Variants in TNS1 observed in about 807,000 individuals in gnomAD.
TNS1 encodes tensin-1.
Under a neutral mutation model 168.6 loss-of-function variants are expected in TNS1, and 62 were observed. The ratio of observed to expected loss-of-function variants is 0.37; its 90% CI spans 0.30 to 0.45. The LOEUF (loss-of-function observed/expected upper bound fraction) is 0.45, where lower values mean the gene tolerates loss of function less well. TNS1 is among the 20% of genes least tolerant of loss of function. The pLI is 1.00. For synonymous variants in TNS1, 934 were observed against 933.2 expected, an observed-to-expected ratio of 1.00 and a Z score of -0.02; for missense variants, 2,240 against 2,339.4, an observed-to-expected ratio of 0.96 and a Z score of 0.88.
chr2:217,988,466 A>C (rs988889606), intron 2 of TNS1, among the ~76,000 whole-genome samples: 10 of 152,138 alleles, frequency 6.6e-5, no homozygotes, highest in Non-Finnish European at 1.0e-4. Flanking sequence ...CCCCACCCCC[A>C]GACTGCCTCG....
At chr2:218,031,447 A>G (rs181660736) in intron 1 of TNS1, among the ~76,000 whole-genome samples, 8 of 99,400 alleles carry the variant, frequency 8.0e-5, no homozygotes, top group East Asian at 6.6e-4. Flanking sequence ...GCATGTGTGT[A>G]TGAGCATGTC....
chr2:217,831,228 C>G (rs1944378335), intron 22 of TNS1, among the ~76,000 whole-genome samples: 1 of 152,194 alleles, frequency 6.6e-6, no homozygotes, highest in Admixed American at 6.5e-5. Flanking sequence ...AAGCCTCAAG[C>G]TAGAGGAGGC....
At position 217,978,745 on chromosome 2, in the gene TNS1, G is replaced by C. The variant is rs941275950; in HGVS notation, c.186+20C>G. On this transcript the variant is annotated intron_variant, in intron 3 of 32. Transcript: ENST00000682258. ...GCCTGTCCCAAGTCCTCCCGGGCCC[G>C]CCAGCCCGCGGCCCCTTACCTTGGC... is the stretch of plus-strand genomic sequence containing the variant. The C allele has an allele frequency of 1.3e-5, 9 of 701,048 alleles. No homozygotes were observed. The highest frequency in any genetic ancestry group is 2.3e-5 in the Non-Finnish European group (9 of 384,010). 43.4% of individuals were successfully genotyped at this position (701,048 alleles called of 1,614,324 possible).
At position 217,804,543 on chromosome 2, in the gene TNS1, A is replaced by C. The variant is rs566491497; in HGVS notation, c.5436T>G (p.Phe1812Leu). The change falls in exon 33 of 33, where the codon TTT becomes TTG. Residue 1812 changes from phenylalanine to leucine, a missense_variant. Around this residue, in one of 2 missense-constraint regions of TNS1, gnomAD observed 109 missense variants for 168.1 expected, o/e 0.65. Coordinates refer to ENST00000682258, the MANE Select transcript of TNS1 (RefSeq NM_001387777.1). ...CCGGCTGGTTGGGGTCAAGCTCAGC[A>C]AAGAGGTGGCAGGCGTTGTCCGTGG... ...GSTTDNACHL[F>L]AELDPNQPAS... is the part of the protein sequence containing the mutation. The C allele has an allele frequency of 2.4e-5, 39 of 1,614,164 alleles. No homozygotes were observed. The highest frequency in any genetic ancestry group is 3.3e-5 in the Non-Finnish European group (39 of 1,180,010).
intron 7 of TNS1, 66 bp from the exon 8 acceptor site, chr2:217,898,035 G>A (rs779570919): frequency 9.1e-5 from 138 of 1,508,228 alleles, no homozygotes; most frequent in Non-Finnish European, 1.1e-4. Flanking sequence ...GCCCCAGATA[G>A]CTGCACCCCA....
rs1453879871 is a variant in TNS1 at position 217,814,991 on chromosome 2, G to C, written c.4650C>G (p.Ser1550Arg). Reference sequence around the variant, plus strand: ...ACTTCACTTTAGCCCGCGTCTCCGGGCTGTTGTCTAAAGCAGGAGAAGGGA... The same window carrying C: ...ACTTCACTTTAGCCCGCGTCTCCGGCCTGTTGTCTAAAGCAGGAGAAGGGA... ...DFSKYSMPDN[S>R]PETRAKVKFV... The change falls in exon 25 of 33, where the codon AGC (serine) becomes AGG (arginine). Residue 1550 changes from serine to arginine, a missense_variant. Coordinates refer to ENST00000682258, the MANE Select transcript of TNS1 (RefSeq NM_001387777.1). 6.2e-7 allele frequency: 1 copy of C among 1,612,060 alleles called. No individual in the cohort carries two copies. The highest frequency in any genetic ancestry group is 8.5e-7 in the Non-Finnish European group (1 of 1,179,046).
chr2:218,023,728 G>A (rs2106011363), intron 1 of TNS1, among the ~76,000 whole-genome samples: 1 of 152,314 alleles, frequency 6.6e-6, no homozygotes, highest in East Asian at 1.9e-4. Flanking sequence ...ATCAGTCGGT[G>A]GCAGAGCCCA....
intron 1 of TNS1, among the ~76,000 whole-genome samples, chr2:218,020,494 G>A (rs551365879): frequency 6.9e-6 from 1 of 145,776 alleles, no homozygotes; most frequent in East Asian, 2.0e-4. Flanking sequence ...GCTGACCCCT[G>A]AGCTGCCTGG....
upstream of TNS1, among the ~76,000 whole-genome samples, chr2:218,012,034 A>G (rs1574480789): frequency 6.6e-6 from 1 of 152,134 alleles, no homozygotes; most frequent in East Asian, 1.9e-4. Context: ...TCATGCCCAC[A>G]ATCTCAAGGG....
At chr2:217,883,396 C>G (rs1950864233) in intron 16 of TNS1, among the ~76,000 whole-genome samples, 1 of 152,200 alleles carries the variant, frequency 6.6e-6, no homozygotes, top group Admixed American at 6.5e-5. Flanking sequence ...CCTGGAATAG[C>G]TGTGCTAACA....
intron 4 of TNS1, among the ~76,000 whole-genome samples, chr2:217,914,599 C>T (rs530720528): frequency 1.3e-5 from 2 of 152,324 alleles, no homozygotes; most frequent in Admixed American, 6.5e-5. Flanking sequence ...GCAACCTCTG[C>T]CTCAGCCTCC....
chr2:217,935,343 C>T (rs943150377), intron 3 of TNS1, among the ~76,000 whole-genome samples: 3 of 152,236 alleles, frequency 2.0e-5, no homozygotes, highest in African/African-American at 7.2e-5. Context: ...AAGGGCCAGG[C>T]CCTCTGGCAG....
intron 1 of TNS1, 57 bp from the exon 2 acceptor site, chr2:217,991,113 G>A: frequency 1.9e-6 from 1 of 537,636 alleles, no homozygotes; most frequent in Non-Finnish European, 3.4e-6. Context: ...TCCTGGGGAA[G>A]GAGTAGAGGA....
rs1347772931 is a variant in TNS1, at chr2:217,848,205, C to T, written c.2312G>A (p.Gly771Glu). Residue 771 changes from glycine (G) to glutamate (E), a missense_variant, in exon 19 of 33, where the codon GGA (glycine) becomes GAA (glutamate). Physicochemically the swap from Gly to Glu is moderately conservative, Grantham distance 98 (BLOSUM62 -2). Transcript: ENST00000682258. ...CTGCTGCTGCTGCCACGAATTCAGTCCCCTTTGCACAGCCTCCCGGCTGCT... is the reference window on the plus strand; with the variant it reads ...CTGCTGCTGCTGCCACGAATTCAGTTCCCTTTGCACAGCCTCCCGGCTGCT... ...GGSSREAVQRGLNSWQQQQQQ... is the reference protein window; with the variant it reads ...GGSSREAVQRELNSWQQQQQQ... 3.1e-6 allele frequency: 5 copies of T among 1,597,170 alleles called. No homozygotes were observed. The highest frequency in any genetic ancestry group is 3.4e-5 in the Admixed American group (2 of 58,014).
chr2:217,934,854 G>A (rs1201670695), intron 3 of TNS1, among the ~76,000 whole-genome samples: 1 of 152,210 alleles, frequency 6.6e-6, no homozygotes, highest in African/African-American at 2.4e-5. Flanking sequence ...TCTGCCAAAG[G>A]CCCCAAGACT....
intron 3 of TNS1, among the ~76,000 whole-genome samples, chr2:217,964,124 A>G (rs1957566681): frequency 6.6e-6 from 1 of 152,130 alleles, no homozygotes; most frequent in Non-Finnish European, 1.5e-5. Context: ...AAAACATGAC[A>G]AGCCAGTTTA....
At chr2:217,989,924 A>G (rs1323431318) in intron 2 of TNS1, among the ~76,000 whole-genome samples, 1 of 149,966 alleles carries the variant, frequency 6.7e-6, no homozygotes, top group Admixed American at 6.6e-5. Flanking sequence ...CCACACACCA[A>G]CCACACACCC....
rs548907038 is a variant in TNS1 at position 217,845,162 on chromosome 2, G to T, written c.3007+2348C>A. 1.4e-4 allele frequency among the ~76,000 whole-genome samples: 22 copies of T among 152,334 alleles called. 1 individual carries two copies. In the South Asian group the frequency reaches 4.3e-3, roughly 30 times the overall value. The stretch of plus-strand genomic sequence containing the variant: ...AATAAACCAGGGACTTGAGACTGAG[G>T]TATGGAGGACAGCCAATGGGGAAAA... On this transcript the variant is annotated intron_variant, in intron 19 of 32. Coordinates refer to ENST00000682258, the MANE Select transcript of TNS1 (RefSeq NM_001387777.1).
rs1208212997 is a variant in TNS1, at chr2:217,895,003, C to T, written c.594+3G>A. 1.9e-6 allele frequency: 3 copies of T among 1,612,954 alleles called. No homozygotes were observed. Among genetic ancestry groups the T allele is most frequent in the Non-Finnish European group, 2.5e-6 (3 of 1,179,650 alleles). ...CCCTACCCCAAAACAGCCCCTGGCT[C>T]ACCTTGGCATGGAGCTTCGTGATGT... On this transcript the variant is annotated splice_donor_region_variant and intron_variant, in intron 9 of 32. Transcript: ENST00000682258.
Sources: gnomAD v4.1 joint callset for allele counts (sites outside exome capture counted in the v4.1 genomes callset) on GRCh38, gnomAD v4.1.1 for gene constraint, gnomAD v4.1.1 regional missense constraint, MANE v1.5 for transcripts, NCBI Gene and HGNC (gene_info 2026-07-23, HGNC 2026-07-21) for gene names.